LRP1B: variants seen among roughly 807,000 people sequenced by gnomAD.
LRP1B encodes low-density lipoprotein receptor-related protein 1B.
In LRP1B, 217 loss-of-function variants were observed where a neutral mutation model predicts 556.6. The ratio of observed to expected loss-of-function variants is 0.39; its 90% CI spans 0.35 to 0.44. The LOEUF (loss-of-function observed/expected upper bound fraction) is 0.44. Ranked by LOEUF, LRP1B falls within the 20% of genes least tolerant of loss-of-function variation. The pLI, the probability that LRP1B is intolerant of heterozygous loss-of-function variation, is 1.00. For missense variants in LRP1B, 5,053 were observed against 5,620.8 expected, an observed-to-expected ratio of 0.90 and a Z score of 3.23; for synonymous variants, 2,047 against 1,865.8, an observed-to-expected ratio of 1.10 and a Z score of -2.50.
At chr2:140,736,133 TA>T (rs1687937651) in intron 35 of LRP1B, among the ~76,000 whole-genome samples, 1 of 151,852 alleles carries the variant, frequency 6.6e-6, no homozygotes, top group Non-Finnish European at 1.5e-5. Flanking sequence ...GAAGAAGGAA[TA>T]AAGAGGATGA....
chr2:140,894,358 T>C (rs1261291182), intron 23 of LRP1B, among the ~76,000 whole-genome samples: 2 of 152,188 alleles, frequency 1.3e-5, no homozygotes, highest in African/African-American at 4.8e-5. Context: ...ATTGCCATTA[T>C]CATTAGAACA....
At chr2:140,574,158 T>C (rs1349366373) in intron 43 of LRP1B, among the ~76,000 whole-genome samples, 3 of 152,094 alleles carry the variant, frequency 2.0e-5, no homozygotes, top group African/African-American at 7.2e-5. Context: ...TCAAGAACAT[T>C]CAAGTATTCC....
intron 2 of LRP1B, among the ~76,000 whole-genome samples, chr2:141,621,949 T>C (rs2105336693): frequency 6.6e-6 from 1 of 152,310 alleles, no homozygotes; most frequent in African/African-American, 2.4e-5. Context: ...TGGAGTGCAA[T>C]GGAATCATCT....
At chr2:140,966,357 G>A (rs1199153841) in intron 18 of LRP1B, among the ~76,000 whole-genome samples, 4 of 152,208 alleles carry the variant, frequency 2.6e-5, no homozygotes, top group Non-Finnish European at 5.9e-5. Context: ...CTTCTTTTGA[G>A]AAGTGTCTGT....
intron 3 of LRP1B, among the ~76,000 whole-genome samples, chr2:141,339,595 C>A (rs541681629): frequency 2.6e-5 from 4 of 152,138 alleles, no homozygotes; most frequent in Admixed American, 2.6e-4. Context: ...AAGCAGAGAG[C>A]AAAAGGAATG....
chr2:141,341,453 C>T (rs1688052201), intron 3 of LRP1B, among the ~76,000 whole-genome samples: 1 of 151,922 alleles, frequency 6.6e-6, no homozygotes, highest in African/African-American at 2.4e-5. Context: ...TAAATGTCTT[C>T]TCTCCCTCTT....
intron 1 of LRP1B, among the ~76,000 whole-genome samples, chr2:141,889,880 C>T (rs1025213983): frequency 2.0e-5 from 3 of 151,992 alleles, no homozygotes; most frequent in Non-Finnish European, 4.4e-5. Flanking sequence ...AATTTTGTAG[C>T]AGATTTCTTT....
chr2:141,986,415 G>T (rs1702187777), intron 1 of LRP1B, among the ~76,000 whole-genome samples: 1 of 151,832 alleles, frequency 6.6e-6, no homozygotes, highest in African/African-American at 2.4e-5. Flanking sequence ...TGTATTCTAA[G>T]GTATGGGTTT....
chr2:140,885,101 A>T (rs1230315057), intron 24 of LRP1B, among the ~76,000 whole-genome samples: 1 of 152,192 alleles, frequency 6.6e-6, no homozygotes, highest in East Asian at 1.9e-4. Flanking sequence ...TTTTTGTTAG[A>T]CATATTAACA....
At chr2:140,322,687 T>C (rs1385050406) in intron 81 of LRP1B, among the ~76,000 whole-genome samples, 2 of 152,092 alleles carry the variant, frequency 1.3e-5, no homozygotes, top group African/African-American at 4.8e-5. Flanking sequence ...TACATATTTT[T>C]GTTTAAATTT....
In LRP1B at chr2:140,457,513, C is replaced by A; in HGVS notation, c.9764G>T (p.Trp3255Leu). 1 of 1,613,776 alleles carries A rather than the reference C, an allele frequency of 6.2e-7. No homozygotes were observed. The highest frequency in any genetic ancestry group is 8.5e-7 in the Non-Finnish European group (1 of 1,179,780). ...GADRLSLIYS[W>L]HAITDIQVYH... ...CACCTGGATATCTGTGATGGCATGC[C>A]ATGAGTAAATCAGTGAGAGTCTGTC... Residue 3255 changes from tryptophan (W) to leucine (L), a missense_variant, in exon 61 of 91, where the codon TGG becomes TTG. Trp to Leu is a moderately conservative substitution (Grantham distance 61, BLOSUM62 -2). Coordinates refer to ENST00000389484, the MANE Select transcript of LRP1B (RefSeq NM_018557.3).
chr2:141,485,745 A>G (rs1425450961), intron 2 of LRP1B, among the ~76,000 whole-genome samples: 1 of 152,100 alleles, frequency 6.6e-6, no homozygotes, highest in Non-Finnish European at 1.5e-5. Context: ...CTACCCATCC[A>G]CCAGGGTGAG....
chr2:141,118,822 C>A (rs1167159126), intron 7 of LRP1B, among the ~76,000 whole-genome samples: 3 of 151,420 alleles, frequency 2.0e-5, no homozygotes, highest in Admixed American at 6.6e-5. Context: ...AGATTATAAT[C>A]ATAATAATAT....
At chr2:141,216,671 G>A (rs1240889847) in intron 6 of LRP1B, among the ~76,000 whole-genome samples, 1 of 152,204 alleles carries the variant, frequency 6.6e-6, no homozygotes, top group Non-Finnish European at 1.5e-5. Flanking sequence ...GGCTTTGGGA[G>A]CTTACTCCTT....
intron 2 of LRP1B, among the ~76,000 whole-genome samples, chr2:141,541,753 G>A (rs1288515772): frequency 1.3e-5 from 2 of 151,984 alleles, no homozygotes; most frequent in Non-Finnish European, 2.9e-5. Context: ...TTTAAAAAAT[G>A]TAATCTAATA....
chr2:141,431,640 G>A (rs1680566393), intron 3 of LRP1B, among the ~76,000 whole-genome samples: 1 of 152,058 alleles, frequency 6.6e-6, no homozygotes, highest in Non-Finnish European at 1.5e-5. Context: ...ATTTCTCTAA[G>A]TTTTCTTTAG....
intron 1 of LRP1B, among the ~76,000 whole-genome samples, chr2:141,827,234 T>A (rs1696965244): frequency 6.6e-6 from 1 of 152,234 alleles, no homozygotes; most frequent in Admixed American, 6.5e-5. Context: ...TGTTGAATTA[T>A]CCTCCTAAAT....
intron 71 of LRP1B, among the ~76,000 whole-genome samples, chr2:140,365,422 T>G (rs1041780349): frequency 2.0e-5 from 3 of 151,736 alleles, no homozygotes; most frequent in South Asian, 4.1e-4. Context: ...ACATCAGGAA[T>G]ACAAAAATAT....
At chr2:140,305,842 A>T (rs1335866072) in intron 83 of LRP1B, among the ~76,000 whole-genome samples, 1 of 151,878 alleles carries the variant, frequency 6.6e-6, no homozygotes, top group Non-Finnish European at 1.5e-5. Context: ...TACCTAATTT[A>T]TTGAGAGTTT....
Sources: gnomAD v4.1 joint callset for allele counts (sites outside exome capture counted in the v4.1 genomes callset) on GRCh38, gnomAD v4.1.1 for gene constraint, MANE v1.5 for transcripts, NCBI Gene and HGNC (gene_info 2026-07-23, HGNC 2026-07-21) for gene names.